FBXL17: variants seen among roughly 807,000 people sequenced by gnomAD.
The protein encoded by FBXL17 is F-box/LRR-repeat protein 17.
In FBXL17, 22 loss-of-function variants were observed where a neutral mutation model predicts 66.2. The observed-to-expected ratio is 0.33, with a 90% CI of 0.24 to 0.47. The LOEUF (loss-of-function observed/expected upper bound fraction) is 0.47, where lower values mean the gene tolerates loss of function less well. Ranked by LOEUF, FBXL17 falls within the 20% of genes least tolerant of loss-of-function variation. The pLI, the probability that FBXL17 is intolerant of heterozygous loss-of-function variation, is 1.00. For synonymous variants in FBXL17, 474 were observed against 400.5 expected, an observed-to-expected ratio of 1.18 and a Z score of -2.19; for missense variants, 878 against 948.2, an observed-to-expected ratio of 0.93 and a Z score of 0.97.
At chr5:108,362,559 G>C (rs1464081434) in intron 3 of FBXL17, among the ~76,000 whole-genome samples, 1 of 152,026 alleles carries the variant, frequency 6.6e-6, no homozygotes, top group Non-Finnish European at 1.5e-5. Flanking sequence ...TATTTTGAGT[G>C]ACTATTATGA....
intron 8 of FBXL17, among the ~76,000 whole-genome samples, chr5:107,869,408 G>A (rs984845177): frequency 6.6e-6 from 1 of 152,082 alleles, no homozygotes; most frequent in Admixed American, 6.5e-5. Context: ...ACTCTAAGAT[G>A]GGCACATATT....
intron 4 of FBXL17, among the ~76,000 whole-genome samples, chr5:108,257,753 C>T (rs1277121948): frequency 1.3e-5 from 2 of 152,084 alleles, no homozygotes; most frequent in Non-Finnish European, 1.5e-5. Context: ...CTGATAATGT[C>T]TTCCATAAGG....
chr5:107,981,760 G>A (rs1180814973), intron 7 of FBXL17, among the ~76,000 whole-genome samples: 2 of 152,168 alleles, frequency 1.3e-5, no homozygotes, highest in Admixed American at 1.3e-4. Context: ...AGCATGCGGA[G>A]GGGAGAAAAA....
At chr5:108,299,950 C>G in intron 4 of FBXL17, 1 of 387,738 alleles carries the variant, frequency 2.6e-6, no homozygotes, top group Non-Finnish European at 3.5e-6. Flanking sequence ...CATTTAAATG[C>G]TTCAGAAAAT....
At chr5:108,129,909 T>C (rs1750865840) in intron 6 of FBXL17, among the ~76,000 whole-genome samples, 1 of 141,950 alleles carries the variant, frequency 7.0e-6, no homozygotes. Context: ...ACCCATTTTT[T>C]AACCACATTT....
chr5:107,869,269 G>A (rs912709279), intron 8 of FBXL17, among the ~76,000 whole-genome samples: 4 of 152,134 alleles, frequency 2.6e-5, no homozygotes, highest in Admixed American at 2.0e-4. Flanking sequence ...TTCTCTCCGC[G>A]TTTCTTGGCT....
chr5:108,374,159 T>C lies in FBXL17; in HGVS notation c.994-6206A>G, dbSNP rs1484027218. ...ATGGATAGAACAACCAGACAAGAGA[T>C]GAACAAGTAAACTGAACACTTGAAC... On this transcript the variant is annotated intron_variant, in intron 1 of 8. Coordinates refer to ENST00000542267, the MANE Select transcript of FBXL17 (RefSeq NM_001163315.3). Among the ~76,000 whole-genome samples the C allele has an allele frequency of 2.0e-5, 3 of 152,230 alleles. No individual in the cohort carries two copies. The East Asian group carries it at 5.8e-4, about 29-fold the overall frequency.
In FBXL17 at chr5:107,979,054, T is replaced by C. The variant is rs557079687; in HGVS notation, c.1822+41871A>G. Among the ~76,000 whole-genome samples, 16 of 152,340 alleles carry C rather than the reference T, an allele frequency of 1.1e-4. No individual in the cohort carries two copies. In the South Asian group the frequency reaches 2.7e-3, roughly 26 times the overall value. On this transcript the variant is annotated intron_variant, in intron 7 of 8. Transcript: ENST00000542267. ...TAACTGTAAAATGGGGATAAATATG[T>C]CTTGTGAAGATTAAAAGAGACAATG...
chr5:108,036,437 C>T (rs1746843891), intron 6 of FBXL17, among the ~76,000 whole-genome samples: 1 of 152,148 alleles, frequency 6.6e-6, no homozygotes, highest in African/African-American at 2.4e-5. Flanking sequence ...TGAGCATTCC[C>T]TAATGTTACA....
intron 7 of FBXL17, among the ~76,000 whole-genome samples, chr5:107,968,550 A>G (rs1020311617): frequency 2.0e-5 from 3 of 152,194 alleles, no homozygotes; most frequent in African/African-American, 4.8e-5. Flanking sequence ...AACTATGCCC[A>G]TGAAAATGTA....
intron 6 of FBXL17, among the ~76,000 whole-genome samples, chr5:108,059,466 C>A (rs541380323): frequency 6.6e-6 from 1 of 152,254 alleles, no homozygotes; most frequent in East Asian, 1.9e-4. Context: ...CCAGACTTGA[C>A]AATGGTGCCT....
At chr5:108,300,589 T>C (rs932735022) in intron 4 of FBXL17, among the ~76,000 whole-genome samples, 1 of 151,820 alleles carries the variant, frequency 6.6e-6, no homozygotes, top group Admixed American at 6.6e-5. Flanking sequence ...TTTAACCATG[T>C]TTTATATACA....
intron 6 of FBXL17, among the ~76,000 whole-genome samples, chr5:108,057,299 A>G (rs1747746372): frequency 6.6e-6 from 1 of 152,214 alleles, no homozygotes; most frequent in Admixed American, 6.5e-5. Flanking sequence ...CTGTAATACC[A>G]ATAATATATT....
intron 7 of FBXL17, among the ~76,000 whole-genome samples, chr5:107,885,480 T>C (rs1472746509): frequency 6.6e-6 from 1 of 152,294 alleles, no homozygotes; most frequent in South Asian, 2.1e-4. Flanking sequence ...GGAGCACTGA[T>C]TGTAATTGCA....
At chr5:108,287,097 C>A (rs184776457) in intron 4 of FBXL17, among the ~76,000 whole-genome samples, 12 of 152,050 alleles carry the variant, frequency 7.9e-5, no homozygotes, top group Non-Finnish European at 4.4e-5. Context: ...GGATCCCTTC[C>A]TTACACCATC....
rs541208735 is a variant in FBXL17, at chr5:108,289,881, T to C, written c.1506+58518A>G. On this transcript the variant is annotated intron_variant, in intron 4 of 8. Transcript: ENST00000542267. ...TGGTAACTCTTGGTCCTATTAAAATTATTGCAGGAGATACCTTCTAAAATG... is the reference window on the plus strand; with the variant it reads ...TGGTAACTCTTGGTCCTATTAAAATCATTGCAGGAGATACCTTCTAAAATG... Among the ~76,000 whole-genome samples, 3 of 152,272 alleles carry C rather than the reference T, an allele frequency of 2.0e-5. No individual in the cohort carries two copies. The South Asian group carries it at 6.2e-4, about 32-fold the overall frequency.
At chr5:108,184,469 G>A (rs553443851) in intron 6 of FBXL17, among the ~76,000 whole-genome samples, 1 of 152,066 alleles carries the variant, frequency 6.6e-6, no homozygotes, top group South Asian at 2.1e-4. Flanking sequence ...ACAAGGCCTG[G>A]CTAATTTTTT....
chr5:108,140,844 T>A (rs1194783442), intron 6 of FBXL17, among the ~76,000 whole-genome samples: 1 of 152,034 alleles, frequency 6.6e-6, no homozygotes, highest in African/African-American at 2.4e-5. Flanking sequence ...TTTTTTTTTT[T>A]ACTCCCCACA....
intron 4 of FBXL17, among the ~76,000 whole-genome samples, chr5:108,343,960 C>T (rs1266622655): frequency 6.6e-6 from 1 of 152,120 alleles, no homozygotes; most frequent in Non-Finnish European, 1.5e-5. Flanking sequence ...TCATTTGGCG[C>T]TTTACCTCTT....
Sources: allele counts gnomAD v4.1 joint callset (sites outside exome capture counted in the v4.1 genomes callset), GRCh38; gene constraint gnomAD v4.1.1; transcripts MANE v1.5; gene names NCBI Gene and HGNC (gene_info 2026-07-23, HGNC 2026-07-21).